The following TBCA variants were observed in gnomAD, a reference collection of about 807,000 sequenced individuals.
The protein encoded by TBCA is tubulin folding cofactor A.
Under a neutral mutation model 15.8 loss-of-function variants are expected in TBCA, and 6 were observed. The observed-to-expected ratio is 0.38, with a 90% confidence interval of 0.21 to 0.75. The LOEUF (loss-of-function observed/expected upper bound fraction) is 0.75, where lower values mean the gene tolerates loss of function less well. Ranked by LOEUF, TBCA falls within the 30% of genes least tolerant of loss-of-function variation. TBCA has a pLI of 0.46. For synonymous variants in TBCA, 32 were observed against 42.3 expected, an observed-to-expected ratio of 0.76 and a Z score of 0.94; for missense variants, 90 against 131.2, an observed-to-expected ratio of 0.69 and a Z score of 1.53.
At chr5:77,706,145 G>A (rs1052124785) in intron 2 of TBCA, among the ~76,000 whole-genome samples, 1 of 152,180 alleles carries the variant, frequency 6.6e-6, no homozygotes, top group African/African-American at 2.4e-5. Context: ...AATAAAGCCT[G>A]AGTTAAGTGT....
intron 1 of TBCA, among the ~76,000 whole-genome samples, chr5:77,746,922 A>G (rs1455193180): frequency 2.6e-5 from 4 of 152,130 alleles, no homozygotes; most frequent in Non-Finnish European, 5.9e-5. Context: ...CCAAATTTCT[A>G]ATAGCTTTAT....
chr5:77,735,651 T>C (rs1024006756), intron 1 of TBCA, among the ~76,000 whole-genome samples: 1 of 152,200 alleles, frequency 6.6e-6, no homozygotes, highest in Non-Finnish European at 1.5e-5. Flanking sequence ...TTAGTGAAAA[T>C]TAGATATTCG....
intron 1 of TBCA, among the ~76,000 whole-genome samples, chr5:77,756,032 A>C (rs1747468250): frequency 6.6e-6 from 1 of 152,132 alleles, no homozygotes; most frequent in South Asian, 2.1e-4. Context: ...AAAAAAAAAA[A>C]CACAAATGGG....
intron 2 of TBCA, among the ~76,000 whole-genome samples, chr5:77,702,203 T>A: frequency 6.6e-6 from 1 of 152,004 alleles, no homozygotes; most frequent in Admixed American, 6.6e-5. Flanking sequence ...TAAAATAAAA[T>A]AAAACCTATG....
chr5:77,707,436 T>C (rs1257747221), intron 2 of TBCA, among the ~76,000 whole-genome samples: 1 of 151,962 alleles, frequency 6.6e-6, no homozygotes, highest in Non-Finnish European at 1.5e-5. Context: ...CAGAAATTAA[T>C]AAGGAGAGGG....
chr5:77,754,602 A>G (rs949913030), intron 1 of TBCA, among the ~76,000 whole-genome samples: 10 of 152,160 alleles, frequency 6.6e-5, no homozygotes, highest in African/African-American at 2.2e-4. Flanking sequence ...TATCCTGTGA[A>G]TTTTGGGTGA....
chr5:77,747,579 A>G (rs1444319968), intron 1 of TBCA, among the ~76,000 whole-genome samples: 1 of 152,160 alleles, frequency 6.6e-6, no homozygotes, highest in Non-Finnish European at 1.5e-5. Flanking sequence ...TTAAAAGACT[A>G]ATGTCTATTA....
chr5:77,746,350 A>C (rs1747187356), intron 1 of TBCA, among the ~76,000 whole-genome samples: 1 of 152,210 alleles, frequency 6.6e-6, no homozygotes, highest in African/African-American at 2.4e-5. Flanking sequence ...ATAAGACCCT[A>C]GACAAGTGGG....
At chr5:77,757,764 C>T (rs1195442656) in intron 1 of TBCA, among the ~76,000 whole-genome samples, 1 of 152,150 alleles carries the variant, frequency 6.6e-6, no homozygotes, top group African/African-American at 2.4e-5. Context: ...TTTATTTTGC[C>T]TAGGTTAAGG....
At chr5:77,750,448 AC>A (rs1747296790) in intron 1 of TBCA, among the ~76,000 whole-genome samples, 2 of 152,252 alleles carry the variant, frequency 1.3e-5, no homozygotes, top group South Asian at 4.2e-4. Flanking sequence ...AGATTAATGT[AC>A]AATACTATGG....
intron 1 of TBCA, among the ~76,000 whole-genome samples, chr5:77,727,805 GAC>G (rs1481271951): frequency 6.6e-6 from 1 of 152,070 alleles, no homozygotes; most frequent in Non-Finnish European, 1.5e-5. Context: ...TAAAAGAAAA[GAC>G]AATAGTTGGC....
Position 77,748,525 on chromosome 5 carries a change from A to G in TBCA, c.53+27680T>C, listed in dbSNP as rs1029059067. Among the ~76,000 whole-genome samples the G allele has an allele frequency of 1.1e-4, 17 of 151,524 alleles. No homozygotes were observed. The South Asian group carries it at 2.5e-3, about 22-fold the overall frequency. The stretch of plus-strand genomic sequence containing the variant: ...ATTTTCTCCTTTTAGAACTATATTC[A>G]AAGTGAAATTAATTTAAATGGGTTA... On this transcript the variant is annotated intron_variant, in intron 1 of 3. Transcript: ENST00000380377.
At chr5:77,723,766 A>G (rs1423061585) in intron 1 of TBCA, among the ~76,000 whole-genome samples, 1 of 152,084 alleles carries the variant, frequency 6.6e-6, no homozygotes, top group Non-Finnish European at 1.5e-5. Flanking sequence ...ACAATGTAGT[A>G]ATAGATACTG....
chr5:77,703,383 T>C (rs909093494), intron 2 of TBCA, among the ~76,000 whole-genome samples: 10 of 152,164 alleles, frequency 6.6e-5, no homozygotes, highest in African/African-American at 2.2e-4. Flanking sequence ...CAAAACCCTC[T>C]GTACCCAACC....
intron 2 of TBCA, among the ~76,000 whole-genome samples, chr5:77,703,569 T>G (rs1274753474): frequency 6.6e-6 from 1 of 152,106 alleles, no homozygotes; most frequent in African/African-American, 2.4e-5. Flanking sequence ...ATTTTTAAAT[T>G]TTCTATTTTA....
chr5:77,698,169 GAAA>G (rs70991304), intron 2 of TBCA, among the ~76,000 whole-genome samples: 1 of 128,536 alleles, frequency 7.8e-6, no homozygotes, highest in African/African-American at 3.1e-5. Context: ...TTCTTGAAAA[GAAA>G]AAAAAAAAAA....
intron 1 of TBCA, among the ~76,000 whole-genome samples, chr5:77,755,241 T>C (rs532861548): frequency 1.3e-5 from 2 of 152,312 alleles, no homozygotes; most frequent in Admixed American, 1.3e-4. Flanking sequence ...GGTTAACCTT[T>C]GGGATCTGAC....
chr5:77,710,297 T>A (rs938228223), intron 1 of TBCA, among the ~76,000 whole-genome samples: 24 of 152,196 alleles, frequency 1.6e-4, no homozygotes, highest in Admixed American at 1.1e-3. Context: ...GATACAGAAA[T>A]CTGCATTTGA....
intron 1 of TBCA, among the ~76,000 whole-genome samples, chr5:77,712,950 G>T (rs1233365923): frequency 6.6e-6 from 1 of 152,122 alleles, no homozygotes; most frequent in Admixed American, 6.6e-5. Flanking sequence ...CTGTCCAGTA[G>T]TCTTTTTCTC....
Sources: allele counts gnomAD v4.1 joint callset (sites outside exome capture counted in the v4.1 genomes callset), GRCh38; gene constraint gnomAD v4.1.1; transcripts MANE v1.5; gene names NCBI Gene and HGNC (gene_info 2026-07-23, HGNC 2026-07-21).